Variants in SLC5A10 observed in about 807,000 individuals in gnomAD.
SLC5A10 encodes the protein sodium/mannose cotransporter SLC5A10.
Under a neutral mutation model 68.9 loss-of-function variants are expected in SLC5A10, and 55 were observed. The observed-to-expected ratio is 0.80, with a 90% confidence interval of 0.64 to 1.00. The LOEUF (loss-of-function observed/expected upper bound fraction) is 1.00. Ranked by LOEUF, SLC5A10 falls within the 50% of genes least tolerant of loss-of-function variation. SLC5A10 has a pLI of 0.00. For missense variants in SLC5A10, 732 were observed against 819.3 expected (o/e 0.89, Z 1.30); for synonymous variants, 344 against 344.8 (o/e 1.00, Z 0.02).
rs765866737 is a variant in SLC5A10, at chr17:18,978,844, C to T, written c.982+1855C>T. On this transcript the variant is annotated intron_variant, in intron 9 of 14. Coordinates refer to ENST00000395645, the MANE Select transcript of SLC5A10 (RefSeq NM_001042450.4). Reference sequence around the variant, plus strand: ...TCCGGTCCGTCCGCGCGGCCGACCACGTGAAGCTGCAACAGAGGGAGGGGG... The same window carrying T: ...TCCGGTCCGTCCGCGCGGCCGACCATGTGAAGCTGCAACAGAGGGAGGGGG... 1.6e-5 allele frequency: 25 copies of T among 1,611,342 alleles called. No homozygotes were observed. In the Admixed American group the frequency reaches 2.5e-4, roughly 16 times the overall value.
intron 1 of SLC5A10, among the ~76,000 whole-genome samples, chr17:18,954,498 G>A (rs558417800): frequency 1.3e-5 from 2 of 152,188 alleles, no homozygotes; most frequent in East Asian, 1.9e-4. Flanking sequence ...AGCTGGGAGC[G>A]GCTGGCAAGA....
rs1456290082 is a variant in SLC5A10 at position 19,003,118 on chromosome 17, C to T, written c.983-10292C>T. On this transcript the variant is annotated intron_variant, in intron 9 of 14. Coordinates refer to ENST00000395645, the MANE Select transcript of SLC5A10 (RefSeq NM_001042450.4). This position sits in a 1 kb window ranked among gnomAD's most constrained non-coding sequence, Gnocchi z 4.5. ...ATTCCCTCACCCCACAACAAAAGCTCTCCCCACCAGAGAGCTCATGGTGTG... is the reference window on the plus strand; with the variant it reads ...ATTCCCTCACCCCACAACAAAAGCTTTCCCCACCAGAGAGCTCATGGTGTG... Among the ~76,000 whole-genome samples, 1 of 151,910 alleles carries T rather than the reference C, an allele frequency of 6.6e-6. No homozygotes were observed. The highest frequency in any genetic ancestry group is 2.4e-5 in the African/African-American group (1 of 41,356).
chr17:18,976,568 A>G, intron 8 of SLC5A10: 1 of 396,394 alleles, frequency 2.5e-6, no homozygotes. Flanking sequence ...GACAATTGCC[A>G]GGGGTGGTGG....
Position 18,971,803 on chromosome 17 carries a change from A to G in SLC5A10, c.846+585A>G, listed in dbSNP as rs769129711. 49 of 1,511,900 alleles carry G rather than the reference A, an allele frequency of 3.2e-5. No individual in the cohort carries two copies. The highest frequency in any genetic ancestry group is 4.2e-5 in the Non-Finnish European group (47 of 1,130,486). 93.7% of individuals were successfully genotyped at this position (1,511,900 alleles called of 1,614,324 possible). A position where few individuals can be genotyped will look rare whatever the true frequency, so the allele number is the denominator to read the frequency against. The stretch of plus-strand genomic sequence containing the variant: ...GAGCAAGAAGGGCCAACCCCGCCCC[A>G]GCACAGGACCCTGCTCAGGCACACA... On this transcript the variant is annotated intron_variant, in intron 8 of 14. Transcript: ENST00000395645. The surrounding 1 kb of genome is among the most constrained non-coding windows in gnomAD (Gnocchi z 5.5).
At chr17:18,982,728 C>A (rs1255869666) in intron 9 of SLC5A10, among the ~76,000 whole-genome samples, 1 of 152,202 alleles carries the variant, frequency 6.6e-6, no homozygotes, top group Non-Finnish European at 1.5e-5. Context: ...GACATGTGAT[C>A]CAACTGTGCC....
chr17:18,978,325 G>A, intron 9 of SLC5A10: 1 of 1,608,046 alleles, frequency 6.2e-7, no homozygotes. Flanking sequence ...CACGGATCTT[G>A]ATGCGGTTCA....
At chr17:18,965,164 G>T (rs1368160352) in intron 5 of SLC5A10, among the ~76,000 whole-genome samples, 2 of 152,078 alleles carry the variant, frequency 1.3e-5, no homozygotes, top group Non-Finnish European at 2.9e-5. Context: ...ACCAGTGAGG[G>T]GCTTGCAAGG....
At chr17:19,002,426 G>A (rs961504922) in intron 9 of SLC5A10, among the ~76,000 whole-genome samples, 3 of 152,218 alleles carry the variant, frequency 2.0e-5, no homozygotes, top group Non-Finnish European at 4.4e-5. Context: ...CTCTGCCCAC[G>A]AACTTCCCCA....
intron 9 of SLC5A10, among the ~76,000 whole-genome samples, chr17:18,979,874 A>C (rs1331248681): frequency 6.6e-6 from 1 of 152,110 alleles, no homozygotes; most frequent in African/African-American, 2.4e-5. Context: ...CTGAGCCGTG[A>C]AGCTACAGAG....
Position 18,971,186 on chromosome 17 carries a change from A to G in SLC5A10, c.814A>G (p.Ile272Val), listed in dbSNP as rs2042833912. 1 of 1,614,020 alleles carries G rather than the reference A, an allele frequency of 6.2e-7. No homozygotes were observed. The highest frequency in any genetic ancestry group is 8.5e-7 in the Non-Finnish European group (1 of 1,180,040). ...PWTGMTFGLT[I>V]MATWYWCTDQ... is the part of the protein sequence containing the mutation. Reference sequence around the variant, plus strand: ...GACCGGGATGACCTTTGGCCTGACCATCATGGCCACCTGGTACTGGTGCAC... The same window carrying G: ...GACCGGGATGACCTTTGGCCTGACCGTCATGGCCACCTGGTACTGGTGCAC... Residue 272 changes from isoleucine (I) to valine (V), a missense_variant, in exon 8 of 15, where the codon ATC (isoleucine) becomes GTC (valine). Physicochemically the swap from Ile to Val is conservative, Grantham distance 29 (BLOSUM62 3). Coordinates refer to ENST00000395645, the MANE Select transcript of SLC5A10 (RefSeq NM_001042450.4). This position sits in a 1 kb window ranked among gnomAD's most constrained non-coding sequence, Gnocchi z 5.5.
At chr17:18,997,813 A>C (rs1355752517) in intron 9 of SLC5A10, among the ~76,000 whole-genome samples, 1 of 152,188 alleles carries the variant, frequency 6.6e-6, no homozygotes, top group East Asian at 1.9e-4. Context: ...AAGGTGGAGG[A>C]GGCGAGGGGA....
In SLC5A10 at chr17:19,003,866, AGGAAGTCTC is replaced by A; in HGVS notation, c.983-9540_983-9532del. 1.2e-6 allele frequency: 2 copies of A among 1,612,938 alleles called. No homozygotes were observed. The highest frequency in any genetic ancestry group is 1.7e-6 in the Non-Finnish European group (2 of 1,179,922). On this transcript the variant is annotated intron_variant, in intron 9 of 14. Transcript: ENST00000395645. The surrounding 1 kb of genome is among the most constrained non-coding windows in gnomAD (Gnocchi z 4.5). ...GATGCGCTTGAGCTCCAGCTCCGAGAGGAAGTCTCGGATGTTCTCCCGCTTGAGCACCTC... is the reference window on the plus strand; with the variant it reads ...GATGCGCTTGAGCTCCAGCTCCGAGAGGATGTTCTCCCGCTTGAGCACCTC...
intron 8 of SLC5A10, chr17:18,975,626 C>G (rs1285471927): frequency 6.6e-6 from 1 of 151,612 alleles, no homozygotes; most frequent in Non-Finnish European, 1.5e-5. Context: ...CCCTGGAAGG[C>G]AGAGGTTGCG....
chr17:18,988,177 C>T lies in SLC5A10; in HGVS notation c.982+11188C>T, dbSNP rs377183581. ...ACTCCGTCCAGAGCAGGCAGGTACTCGAAGTGTTTGTTGACAGACTGAATG... is the reference window on the plus strand; with the variant it reads ...ACTCCGTCCAGAGCAGGCAGGTACTTGAAGTGTTTGTTGACAGACTGAATG... On this transcript the variant is annotated intron_variant, in intron 9 of 14. Transcript: ENST00000395645. 1,614 of 1,566,060 alleles carry T rather than the reference C, an allele frequency of 1.0e-3. 24 individuals are homozygous for T. The South Asian group carries it at 0.018, about 17-fold the overall frequency.
At position 19,017,296 on chromosome 17, in the gene SLC5A10, C is replaced by T; in HGVS notation, c.1241+2097C>T. 1.3e-6 allele frequency: 2 copies of T among 1,552,102 alleles called. No individual in the cohort carries two copies. Among genetic ancestry groups the T allele is most frequent in the South Asian group, 1.2e-5 (1 of 84,064 alleles). ...GTCCCTCTTACAGCACTGGGATACC[C>T]TCAACACCCCCAGCCCCTCAAAGCC... On this transcript the variant is annotated intron_variant, in intron 11 of 14. Coordinates refer to ENST00000395645, the MANE Select transcript of SLC5A10 (RefSeq NM_001042450.4). The surrounding 1 kb of genome is among the most constrained non-coding windows in gnomAD (Gnocchi z 5.6).
intron 9 of SLC5A10, among the ~76,000 whole-genome samples, chr17:19,002,696 C>G (rs1414962288): frequency 6.6e-6 from 1 of 152,202 alleles, no homozygotes; most frequent in Non-Finnish European, 1.5e-5. Context: ...TGCTCATGGT[C>G]ACAACTGTCC....
In SLC5A10 at chr17:19,003,497, C is replaced by T. The variant is rs1362571756; in HGVS notation, c.983-9913C>T. 2.0e-6 allele frequency: 3 copies of T among 1,514,872 alleles called. No individual in the cohort carries two copies. The highest frequency in any genetic ancestry group is 2.3e-5 in the East Asian group (1 of 43,390). The allele number at this position is 1,514,872 out of a possible 1,614,324, so 93.8% of individuals were successfully genotyped here. On this transcript the variant is annotated intron_variant, in intron 9 of 14. Transcript: ENST00000395645. The surrounding 1 kb of genome is among the most constrained non-coding windows in gnomAD (Gnocchi z 4.5). ...CCGGTGGCTGGTTGGGCCATGGCTC[C>T]AGGAGTCCCCGCGCTGCCTCACCTT...
intron 5 of SLC5A10, among the ~76,000 whole-genome samples, chr17:18,965,470 C>T (rs1348050509): frequency 6.6e-6 from 1 of 152,226 alleles, no homozygotes; most frequent in Admixed American, 6.5e-5. Flanking sequence ...TGAGAGCGGG[C>T]AGGGCAAGGG....
At chr17:18,963,983 A>G (rs2042662373) in intron 5 of SLC5A10, among the ~76,000 whole-genome samples, 1 of 152,128 alleles carries the variant, frequency 6.6e-6, no homozygotes, top group Non-Finnish European at 1.5e-5. Context: ...GCTTCCATGA[A>G]CACACCAGGC....
Sources: gnomAD v4.1 joint callset for allele counts (sites outside exome capture counted in the v4.1 genomes callset) on GRCh38, gnomAD v4.1.1 for gene constraint, Gnocchi (gnomAD v3.1) non-coding constraint, MANE v1.5 for transcripts, NCBI Gene and HGNC (gene_info 2026-07-23, HGNC 2026-07-21) for gene names.